The following PTPRD variants were observed in gnomAD, a reference collection of about 807,000 sequenced individuals.
The protein encoded by PTPRD is protein tyrosine phosphatase receptor type D, also known as receptor-type tyrosine-protein phosphatase delta.
In PTPRD, 34 loss-of-function variants were observed where a neutral mutation model predicts 214.5. The observed-to-expected ratio is 0.16, with a 90% CI of 0.12 to 0.21. The LOEUF (loss-of-function observed/expected upper bound fraction) is 0.21, where lower values mean the gene tolerates loss of function less well. Ranked by LOEUF, PTPRD falls within the 10% of genes least tolerant of loss-of-function variation. The pLI, the probability that PTPRD is intolerant of heterozygous loss-of-function variation, is 1.00. For missense variants in PTPRD, 2,545 were observed against 2,398.7 expected (o/e 1.06, Z -1.27); for synonymous variants, 1,128 against 845.7 (o/e 1.33, Z -5.79).
At chr9:9,728,063 G>A (rs1183245607) in intron 7 of PTPRD, among the ~76,000 whole-genome samples, 1 of 152,034 alleles carries the variant, frequency 6.6e-6, no homozygotes, top group Non-Finnish European at 1.5e-5. Flanking sequence ...AGTCTCATGC[G>A]ATCTGACGGC....
At chr9:9,415,300 T>C (rs2076671049) in intron 8 of PTPRD, among the ~76,000 whole-genome samples, 2 of 151,768 alleles carry the variant, frequency 1.3e-5, no homozygotes, top group African/African-American at 2.4e-5. Context: ...AAGGCAAAAC[T>C]CCATCTCTAC....
intron 35 of PTPRD, among the ~76,000 whole-genome samples, chr9:8,429,360 C>G (rs1473058013): frequency 6.6e-6 from 1 of 152,038 alleles, no homozygotes; most frequent in African/African-American, 2.4e-5. Context: ...CTCCTTACCT[C>G]TATGATGGGA....
At chr9:9,743,866 G>A (rs1296127976) in intron 6 of PTPRD, among the ~76,000 whole-genome samples, 1 of 151,604 alleles carries the variant, frequency 6.6e-6, no homozygotes, top group Non-Finnish European at 1.5e-5. Context: ...TTTTATCCAA[G>A]AAGAAAATAT....
intron 5 of PTPRD, among the ~76,000 whole-genome samples, chr9:9,886,210 A>G (rs1298066442): frequency 1.3e-5 from 2 of 152,100 alleles, no homozygotes; most frequent in Non-Finnish European, 2.9e-5. Context: ...AGAATTATCA[A>G]TACATGTCTG....
At chr9:9,665,316 A>G (rs572920380) in intron 7 of PTPRD, among the ~76,000 whole-genome samples, 1 of 151,966 alleles carries the variant, frequency 6.6e-6, no homozygotes, top group South Asian at 2.1e-4. Flanking sequence ...ATTTTCATTT[A>G]ATCTCGTTTG....
intron 8 of PTPRD, among the ~76,000 whole-genome samples, chr9:9,435,083 C>T (rs2084693243): frequency 6.6e-6 from 1 of 151,782 alleles, no homozygotes; most frequent in Non-Finnish European, 1.5e-5. Flanking sequence ...TAATGTATTT[C>T]CTAAAATTTT....
At chr9:10,593,995 T>A (rs2076085808) in intron 2 of PTPRD, among the ~76,000 whole-genome samples, 1 of 151,948 alleles carries the variant, frequency 6.6e-6, no homozygotes, top group Non-Finnish European at 1.5e-5. Flanking sequence ...AACATTAAGT[T>A]ATTAAAACGG....
intron 7 of PTPRD, among the ~76,000 whole-genome samples, chr9:9,720,017 A>G (rs2154431859): frequency 6.6e-6 from 1 of 152,240 alleles, no homozygotes; most frequent in South Asian, 2.1e-4. Flanking sequence ...CACCCTTGGC[A>G]GGCATGGGAT....
intron 9 of PTPRD, among the ~76,000 whole-genome samples, chr9:9,296,983 C>G (rs1953307164): frequency 6.6e-6 from 1 of 151,686 alleles, no homozygotes. Context: ...ACTTCTTTAA[C>G]TGTTCAAATC....
chr9:10,228,598 C>G (rs953212630), intron 3 of PTPRD, among the ~76,000 whole-genome samples: 1 of 151,696 alleles, frequency 6.6e-6, no homozygotes, highest in African/African-American at 2.4e-5. Flanking sequence ...CTACCTATTC[C>G]TCATGATTCT....
At chr9:10,451,264 T>C (rs2098839864) in intron 2 of PTPRD, among the ~76,000 whole-genome samples, 1 of 151,934 alleles carries the variant, frequency 6.6e-6, no homozygotes, top group Non-Finnish European at 1.5e-5. Context: ...GAGAAATAAA[T>C]TATTGTTACA....
intron 2 of PTPRD, among the ~76,000 whole-genome samples, chr9:10,440,434 T>G (rs1207159049): frequency 6.6e-6 from 1 of 151,736 alleles, no homozygotes; most frequent in African/African-American, 2.4e-5. Flanking sequence ...ATAGAAATAT[T>G]TTAAGAACAG....
Position 9,878,997 on chromosome 9 carries a change from T to C in PTPRD, c.-368+59510A>G, listed in dbSNP as rs149907959. The stretch of plus-strand genomic sequence containing the variant: ...GAATAAATGGGAGGAGATTTGTTAC[T>C]CTATGTGCCCTCAAAATAGATTATT... On this transcript the variant is annotated intron_variant, in intron 5 of 45. Transcript: ENST00000381196. Among the ~76,000 whole-genome samples the C allele has an allele frequency of 5.8e-3, 887 of 152,292 alleles. 9 individuals carry two copies. Among genetic ancestry groups the C allele is most frequent in the African/African-American group, 0.02 (850 of 41,566 alleles).
At chr9:10,326,051 A>G in intron 3 of PTPRD, among the ~76,000 whole-genome samples, 1 of 151,802 alleles carries the variant, frequency 6.6e-6, no homozygotes, top group Non-Finnish European at 1.5e-5. Context: ...CCACTGATTA[A>G]TTGTAAGGTA....
chr9:9,410,148 T>C (rs1044213751), intron 8 of PTPRD, among the ~76,000 whole-genome samples: 9 of 152,176 alleles, frequency 5.9e-5, no homozygotes, highest in African/African-American at 1.7e-4. Context: ...GTTGCTTAGA[T>C]AAGTGAAGTA....
intron 8 of PTPRD, among the ~76,000 whole-genome samples, chr9:9,506,601 T>C (rs1056837132): frequency 2.0e-5 from 3 of 151,428 alleles, no homozygotes; most frequent in Non-Finnish European, 3.0e-5. Context: ...AGATTGTCTC[T>C]AGATATCATT....
At chr9:9,215,328 A>G (rs1033289181) in intron 9 of PTPRD, among the ~76,000 whole-genome samples, 1 of 152,216 alleles carries the variant, frequency 6.6e-6, no homozygotes, top group African/African-American at 2.4e-5. Flanking sequence ...TTATGGAGCT[A>G]CAAGAGAACT....
intron 5 of PTPRD, among the ~76,000 whole-genome samples, chr9:9,865,502 C>A (rs1369886640): frequency 6.6e-6 from 1 of 152,124 alleles, no homozygotes; most frequent in Admixed American, 6.6e-5. Flanking sequence ...ACCACAGTGT[C>A]CCCACAAGCA....
chr9:8,845,051 T>G (rs1376400691), intron 11 of PTPRD, among the ~76,000 whole-genome samples: 1 of 152,162 alleles, frequency 6.6e-6, no homozygotes, highest in African/African-American at 2.4e-5. Flanking sequence ...CAGCCTTATA[T>G]TCCCACAGTA....
Sources: allele counts gnomAD v4.1 joint callset (sites outside exome capture counted in the v4.1 genomes callset), GRCh38; gene constraint gnomAD v4.1.1; transcripts MANE v1.5; gene names NCBI Gene and HGNC (gene_info 2026-07-23, HGNC 2026-07-21).